BASP1: variants seen among roughly 807,000 people sequenced by gnomAD.
BASP1 encodes the protein brain abundant membrane attached signal protein 1.
Under a neutral mutation model 2.2 loss-of-function variants are expected in BASP1, and 1 was observed. The observed-to-expected ratio is 0.46, with a 90% confidence interval of 0.16 to 2.17. The LOEUF is 2.17. Ranked by LOEUF, BASP1 falls within the 30% of genes most tolerant of loss-of-function variation. BASP1 has a pLI of 0.27. For missense variants in BASP1, 352 were observed against 327.2 expected (o/e 1.08, Z -0.58); for synonymous variants, 187 against 154.2 (o/e 1.21, Z -1.58).
At chr5:17,218,334 A>C (rs984179568) in intron 1 of BASP1, among the ~76,000 whole-genome samples, 3 of 152,024 alleles carry the variant, frequency 2.0e-5, no homozygotes, top group Non-Finnish European at 4.4e-5. Context: ...TGGCCCGATC[A>C]GAAGGAAGTG....
chr5:17,220,593 CAAT>C (rs1163465607), intron 1 of BASP1, among the ~76,000 whole-genome samples: 1 of 152,204 alleles, frequency 6.6e-6, no homozygotes, highest in African/African-American at 2.4e-5. Context: ...AAAGCACCAA[CAAT>C]GACAGTGGCA....
At position 17,276,280 on chromosome 5, in the gene BASP1, C is replaced by CT. The variant is rs779611148; in HGVS notation, c.*384dup. On this transcript the variant is annotated 3_prime_UTR_variant, in exon 2 of 2. Coordinates refer to ENST00000322611, the MANE Select transcript of BASP1 (RefSeq NM_006317.5). ...TCCTCCACCGCTGAGAGTTGAATAG[C>CT]TTTTCTTCTGCAATGGGAGTTGGGA... The CT allele has an allele frequency of 7.0e-4, 126 of 181,066 alleles. 1 individual carries two copies. The highest frequency in any genetic ancestry group is 2.7e-3 in the Middle Eastern group (1 of 372). The allele number at this position is 181,066 out of a possible 1,614,324, so 11.2% of individuals were successfully genotyped here. A position where few individuals can be genotyped will look rare whatever the true frequency, so the allele number is the denominator to read the frequency against.
At chr5:17,255,574 C>T (rs911026103) in intron 1 of BASP1, among the ~76,000 whole-genome samples, 1 of 152,154 alleles carries the variant, frequency 6.6e-6, no homozygotes, top group Non-Finnish European at 1.5e-5. Flanking sequence ...TGGTGTCGAT[C>T]AGGAAGTGTT....
In BASP1 at chr5:17,275,959, C is replaced by A. The variant is rs145637343; in HGVS notation, c.*59C>A. On this transcript the variant is annotated 3_prime_UTR_variant, in exon 2 of 2. Coordinates refer to ENST00000322611, the MANE Select transcript of BASP1 (RefSeq NM_006317.5). This position sits in a 1 kb window ranked among gnomAD's most constrained non-coding sequence, Gnocchi z 5.3. The stretch of plus-strand genomic sequence containing the variant: ...AAAACAATCTCCTCTCTCTCTCTCT[C>A]TCTCTCTCTCTATCTCTCTCTCTAT... 19 of 1,399,482 alleles carry A rather than the reference C, an allele frequency of 1.4e-5. No individual in the cohort carries two copies. Among genetic ancestry groups the A allele is most frequent in the Non-Finnish European group, 1.6e-5 (17 of 1,049,864 alleles). The allele number at this position is 1,399,482 out of a possible 1,614,324, so 86.7% of individuals were successfully genotyped here. A position where few individuals can be genotyped will look rare whatever the true frequency, so the allele number is the denominator to read the frequency against.
At chr5:17,265,617 A>G (rs1486790477) in intron 1 of BASP1, among the ~76,000 whole-genome samples, 1 of 152,134 alleles carries the variant, frequency 6.6e-6, no homozygotes, top group Non-Finnish European at 1.5e-5. Flanking sequence ...TGATAACACT[A>G]TTGTTTTTCC....
chr5:17,250,649 G>C (rs1740083694), intron 1 of BASP1, among the ~76,000 whole-genome samples: 1 of 152,114 alleles, frequency 6.6e-6, no homozygotes, highest in Non-Finnish European at 1.5e-5. Context: ...TTGTCGCCCA[G>C]GCTGGAGTGC....
In BASP1 at chr5:17,225,871, G is replaced by C. The variant is rs114834883; in HGVS notation, c.-10+8061G>C. Among the ~76,000 whole-genome samples the C allele has an allele frequency of 8.3e-3, 1,270 of 152,306 alleles. 22 individuals carry two copies. Among genetic ancestry groups the C allele is most frequent in the African/African-American group, 0.029 (1,221 of 41,556 alleles). On this transcript the variant is annotated intron_variant, in intron 1 of 1. Coordinates refer to ENST00000322611, the MANE Select transcript of BASP1 (RefSeq NM_006317.5). ...CATTTATAGTATTTGGGGTGATTTA[G>C]AGGATTTAAAAAATCTGTTAGATTC...
chr5:17,219,014 TC>T (rs1436946233), intron 1 of BASP1, among the ~76,000 whole-genome samples: 1 of 151,780 alleles, frequency 6.6e-6, no homozygotes, highest in Non-Finnish European at 1.5e-5. Context: ...CACCTCTGTC[TC>T]CCCCGCGGCC....
chr5:17,244,504 G>A (rs1165472604), intron 1 of BASP1, among the ~76,000 whole-genome samples: 1 of 152,116 alleles, frequency 6.6e-6, no homozygotes, highest in Non-Finnish European at 1.5e-5. Context: ...GGGAGTCATC[G>A]TTTACAACTC....
In BASP1 at chr5:17,242,066, T is replaced by C. The variant is rs545373133; in HGVS notation, c.-10+24256T>C. On this transcript the variant is annotated intron_variant, in intron 1 of 1. Coordinates refer to ENST00000322611, the MANE Select transcript of BASP1 (RefSeq NM_006317.5). ...TTCACGTCTATTCTGTATGCTTTCT[T>C]GATTGGCTGAGGAAGGGGTGAAATC... Among the ~76,000 whole-genome samples the C allele has an allele frequency of 8.5e-5, 13 of 152,306 alleles. No homozygotes were observed. In the South Asian group the frequency reaches 1.9e-3, roughly 22 times the overall value.
intron 1 of BASP1, among the ~76,000 whole-genome samples, chr5:17,237,291 C>CCGAGAT (rs1367459584): frequency 1.3e-5 from 2 of 152,050 alleles, no homozygotes; most frequent in African/African-American, 2.4e-5. Context: ...TTGCAGTGAG[C>CCGAGAT]CGAGATCGCA....
chr5:17,256,550 A>G (rs945216751), intron 1 of BASP1, among the ~76,000 whole-genome samples: 1 of 152,274 alleles, frequency 6.6e-6, no homozygotes, highest in Non-Finnish European at 1.5e-5. Context: ...AATTATAGAC[A>G]TAAAGGATAC....
At chr5:17,268,824 A>G (rs1332056715) in intron 1 of BASP1, among the ~76,000 whole-genome samples, 4 of 152,202 alleles carry the variant, frequency 2.6e-5, no homozygotes, top group Non-Finnish European at 5.9e-5. Flanking sequence ...TAAGCTCTCA[A>G]TAGTAAGAAG....
At position 17,238,143 on chromosome 5, in the gene BASP1, A is replaced by AT. The variant is rs368449517; in HGVS notation, c.-10+20339dup. On this transcript the variant is annotated intron_variant, in intron 1 of 1. Coordinates refer to ENST00000322611, the MANE Select transcript of BASP1 (RefSeq NM_006317.5). ...TGTCTCGGTGCCTTTCTATTAATAT[A>AT]TTTTTTCTATTTAAACTACCCTCTT... 9.7e-3 allele frequency among the ~76,000 whole-genome samples: 1,461 copies of AT among 150,582 alleles called. 27 individuals carry two copies. Among genetic ancestry groups the AT allele is most frequent in the African/African-American group, 0.034 (1,383 of 40,966 alleles).
chr5:17,228,872 A>G lies in BASP1; in HGVS notation c.-10+11062A>G, dbSNP rs1739569563. Among the ~76,000 whole-genome samples, 4 of 152,252 alleles carry G rather than the reference A, an allele frequency of 2.6e-5. No individual in the cohort carries two copies. In the South Asian group the frequency reaches 8.3e-4, roughly 31 times the overall value. On this transcript the variant is annotated intron_variant, in intron 1 of 1. Coordinates refer to ENST00000322611, the MANE Select transcript of BASP1 (RefSeq NM_006317.5). ...AGTGAGCTAGCCAGGAATCTCAGAA[A>G]AAGGGCAAAGAAGTCCAGAATGATG...
intron 1 of BASP1, among the ~76,000 whole-genome samples, chr5:17,254,068 A>C (rs1740153197): frequency 6.6e-6 from 1 of 152,126 alleles, no homozygotes; most frequent in Non-Finnish European, 1.5e-5. Flanking sequence ...GGTAATTTGA[A>C]CTAGACTAGA....
intron 1 of BASP1, among the ~76,000 whole-genome samples, chr5:17,241,375 C>T (rs982664645): frequency 6.6e-6 from 1 of 152,128 alleles, no homozygotes; most frequent in Non-Finnish European, 1.5e-5. Context: ...GTTGTGATTA[C>T]AGGAGTGAAC....
intron 1 of BASP1, among the ~76,000 whole-genome samples, chr5:17,256,674 A>T (rs1002491999): frequency 1.3e-5 from 2 of 152,206 alleles, no homozygotes; most frequent in Non-Finnish European, 2.9e-5. Context: ...CCCAAGTTGA[A>T]CAGAAATCGT....
At chr5:17,237,797 GA>G (rs1009032656) in intron 1 of BASP1, among the ~76,000 whole-genome samples, 19 of 151,964 alleles carry the variant, frequency 1.3e-4, no homozygotes, top group Admixed American at 6.6e-4. Flanking sequence ...TTTTAGTAGA[GA>G]CAGTGTTTCA....
Sources: allele counts gnomAD v4.1 joint callset (sites outside exome capture counted in the v4.1 genomes callset), GRCh38; gene constraint gnomAD v4.1.1; non-coding constraint Gnocchi (gnomAD v3.1); transcripts MANE v1.5; gene names NCBI Gene and HGNC (gene_info 2026-07-23, HGNC 2026-07-21).